Variants in MYH15 observed in about 807,000 individuals in gnomAD.
MYH15 encodes myosin heavy chain 15.
A neutral mutation model predicts 240.5 loss-of-function variants in MYH15; 227 were observed. That is an observed-to-expected ratio of 0.94 (90% CI 0.85 to 1.05). The LOEUF is 1.05. MYH15 is among the 50% of genes least tolerant of loss of function. MYH15 has a pLI of 0.00. For missense variants in MYH15, 2,217 were observed against 2,247.5 expected (o/e 0.99, Z 0.27); for synonymous variants, 785 against 796.7 (o/e 0.99, Z 0.25).
At chr3:108,535,300 C>T in the MYH15 span, among the ~76,000 whole-genome samples, 1 of 152,068 alleles carries the variant, frequency 6.6e-6, no homozygotes, top group Non-Finnish European at 1.5e-5. Context: ...GCTTTGGATG[C>T]TGAGAAGTCA....
chr3:108,450,128 A>T (rs139821002), intron 21 of MYH15, among the ~76,000 whole-genome samples: 3 of 152,282 alleles, frequency 2.0e-5, no homozygotes, highest in Non-Finnish European at 4.4e-5. Flanking sequence ...TGGTACAGCC[A>T]TTATGGAAAA....
chr3:108,397,046 C>T (rs2082467258), intron 35 of MYH15, among the ~76,000 whole-genome samples: 1 of 152,130 alleles, frequency 6.6e-6, no homozygotes, highest in African/African-American at 2.4e-5. Flanking sequence ...TCTAAATGCC[C>T]CAGAGTGTAG....
intron 12 of MYH15, among the ~76,000 whole-genome samples, 162 bp from the exon 13 acceptor site, chr3:108,471,009 AAGAG>A (rs1202504348): frequency 1.6e-4 from 21 of 133,228 alleles, no homozygotes; most frequent in African/African-American, 5.1e-4. Flanking sequence ...GAAGAAAAGA[AAGAG>A]AGAGAGAGAG....
At chr3:108,500,642 C>T (rs1218423392) in intron 3 of MYH15, among the ~76,000 whole-genome samples, 3 of 152,136 alleles carry the variant, frequency 2.0e-5, no homozygotes, top group African/African-American at 4.8e-5. Context: ...ATTTTTAGGG[C>T]ACTGAGAAGG....
intron 1 of MYH15, among the ~76,000 whole-genome samples, chr3:108,524,610 TAA>T (rs1240214893): frequency 6.6e-6 from 1 of 152,090 alleles, no homozygotes; most frequent in African/African-American, 2.4e-5. Flanking sequence ...TGGAGGATTA[TAA>T]ACAGTTATAT....
At chr3:108,418,755 C>T (rs1338698246) in intron 28 of MYH15, among the ~76,000 whole-genome samples, 3 of 9,000 alleles carry the variant, frequency 3.3e-4, no homozygotes, top group African/African-American at 1.3e-3. Context: ...TCTCAGCCTC[C>T]CGTGTTGTTG....
At chr3:108,516,558 A>G (rs1347093237) in intron 1 of MYH15, among the ~76,000 whole-genome samples, 2 of 152,206 alleles carry the variant, frequency 1.3e-5, no homozygotes, top group Non-Finnish European at 2.9e-5. Flanking sequence ...TAGGGACACT[A>G]CTAGGTAGAC....
At chr3:108,444,995 T>C (rs1268559093) in intron 21 of MYH15, 100 bp from the exon 22 acceptor site, 45 of 1,341,120 alleles carry the variant, frequency 3.4e-5, no homozygotes, top group Non-Finnish European at 4.4e-5. Context: ...TTAGGAGTCA[T>C]AAAAAATTCT....
At chr3:108,411,002 G>A (rs1332464289) in intron 30 of MYH15, 70 bp from the exon 31 acceptor site, 2 of 1,328,394 alleles carry the variant, frequency 1.5e-6, no homozygotes, top group Non-Finnish European at 2.1e-6. Flanking sequence ...GTCTGCCCTG[G>A]ATTAAAGATA....
chr3:108,437,075 T>C lies in MYH15; in HGVS notation c.3221+479A>G, dbSNP rs187492113. Among the ~76,000 whole-genome samples, 25 of 152,244 alleles carry C rather than the reference T, an allele frequency of 1.6e-4. 1 individual carries two copies. Among genetic ancestry groups the C allele is most frequent in the Admixed American group, 1.6e-3 (25 of 15,294 alleles). ...GCTTGTTTTAGATTTTAAGGTTTAATATTTATATAGTAAATTATTTCACCA... is the reference window on the plus strand; with the variant it reads ...GCTTGTTTTAGATTTTAAGGTTTAACATTTATATAGTAAATTATTTCACCA... On this transcript the variant is annotated intron_variant, in intron 25 of 40. Coordinates refer to ENST00000693548, the MANE Select transcript of MYH15 (RefSeq NM_014981.3).
the MYH15 span, among the ~76,000 whole-genome samples, chr3:108,545,694 TACACACACACAC>T: frequency 4.7e-5 from 7 of 149,050 alleles, no homozygotes. Flanking sequence ...AATATACACA[TACACACACACAC>T]ACACACACAC....
At chr3:108,429,882 C>T (rs2082763581) in intron 26 of MYH15, among the ~76,000 whole-genome samples, 1 of 152,056 alleles carries the variant, frequency 6.6e-6, no homozygotes, top group African/African-American at 2.4e-5. Flanking sequence ...TCATGGGATC[C>T]AAGAAAATAT....
At chr3:108,471,976 C>T (rs2083182049) in intron 12 of MYH15, among the ~76,000 whole-genome samples, 2 of 152,278 alleles carry the variant, frequency 1.3e-5, no homozygotes, top group African/African-American at 2.4e-5. Flanking sequence ...ATCTGAAAAA[C>T]ACTCTTAAAG....
chr3:108,441,445 G>A (rs545766913), intron 22 of MYH15, among the ~76,000 whole-genome samples, 185 bp from the exon 23 acceptor site: 7 of 152,320 alleles, frequency 4.6e-5, no homozygotes, highest in African/African-American at 1.4e-4. Flanking sequence ...AAGTGGAGAA[G>A]TTGCTTGTGT....
Position 108,441,346 on chromosome 3 carries a change from G to A in MYH15, c.2656-86C>T, listed in dbSNP as rs2082883968. The A allele has an allele frequency of 1.0e-5, 15 of 1,470,676 alleles. No homozygotes were observed. The South Asian group carries it at 1.6e-4, about 15-fold the overall frequency. 91.1% of individuals were successfully genotyped at this position (1,470,676 alleles called of 1,614,324 possible). A position where few individuals can be genotyped will look rare whatever the true frequency, so the allele number is the denominator to read the frequency against. ...AATGCTGCTTAACACACAGCAAAGA[G>A]ATAATTGCCTGCCCTCTGCCCAGCA... On this transcript the variant is annotated intron_variant, in intron 22 of 40. Coordinates refer to ENST00000693548, the MANE Select transcript of MYH15 (RefSeq NM_014981.3).
intron 25 of MYH15, among the ~76,000 whole-genome samples, chr3:108,432,486 T>G (rs1421621651): frequency 2.0e-5 from 3 of 152,088 alleles, no homozygotes; most frequent in Non-Finnish European, 4.4e-5. Context: ...TTTGCATAAG[T>G]TACAAGGAAC....
Position 108,428,803 on chromosome 3 carries a change from G to A in MYH15, c.3391C>T (p.Leu1131Phe). Residue 1131 changes from leucine to phenylalanine, a missense_variant, in exon 27 of 41, where the codon CTC becomes TTC. Transcript: ENST00000693548. ...RAKMERERAD[L>F]TQDLADLNER... The stretch of plus-strand genomic sequence containing the variant: ...TTCAAGTCAGCCAGGTCTTGGGTGA[G>A]GTCAGCTCTCTCCCTTTCCATCTTG... 1 of 1,613,816 alleles carries A rather than the reference G, an allele frequency of 6.2e-7. No individual in the cohort carries two copies. Among genetic ancestry groups the A allele is most frequent in the Non-Finnish European group, 8.5e-7 (1 of 1,179,978 alleles).
chr3:108,440,896 G>A, intron 23 of MYH15, 122 bp downstream of exon 23: 1 of 1,168,142 alleles, frequency 8.6e-7, no homozygotes, highest in South Asian at 1.4e-5. Flanking sequence ...GACTCTCAAT[G>A]CTGTAAAGTT....
chr3:108,423,768 G>A (rs1342639251), intron 27 of MYH15, among the ~76,000 whole-genome samples: 1 of 152,186 alleles, frequency 6.6e-6, no homozygotes, highest in Admixed American at 6.5e-5. Context: ...ATTGGAATTC[G>A]AACTGAAACT....
Sources: gnomAD v4.1 joint callset for allele counts (sites outside exome capture counted in the v4.1 genomes callset) on GRCh38, gnomAD v4.1.1 for gene constraint, MANE v1.5 for transcripts, NCBI Gene and HGNC (gene_info 2026-07-23, HGNC 2026-07-21) for gene names.